The following GUCY2C variants were observed in gnomAD, a reference collection of about 807,000 sequenced individuals.
The protein encoded by GUCY2C is guanylyl cyclase C.
GUCY2C carries 118 observed loss-of-function variants against 131.1 expected under a neutral mutation model. The ratio of observed to expected loss-of-function variants is 0.90; its 90% CI spans 0.78 to 1.05. GUCY2C has a LOEUF of 1.05. Among genes scored for constraint, GUCY2C ranks in the 50% least tolerant of loss-of-function variants. GUCY2C has a pLI of 0.00. For missense variants in GUCY2C, 1,161 were observed against 1,304.4 expected, an observed-to-expected ratio of 0.89 and a Z score of 1.69; for synonymous variants, 452 against 457.8, an observed-to-expected ratio of 0.99 and a Z score of 0.16.
intron 1 of GUCY2C, among the ~76,000 whole-genome samples, chr12:14,691,652 T>C (rs1948576071): frequency 6.6e-6 from 1 of 152,106 alleles, no homozygotes; most frequent in African/African-American, 2.4e-5. Flanking sequence ...CCTACCACCA[T>C]GAGGGACAGT....
At position 14,676,158 on chromosome 12, in the gene GUCY2C, G is replaced by A. The variant is rs568934855; in HGVS notation, c.948+696C>T. Among the ~76,000 whole-genome samples the A allele has an allele frequency of 4.6e-5, 7 of 152,212 alleles. No individual in the cohort carries two copies. In the South Asian group the frequency reaches 1.5e-3, roughly 32 times the overall value. Reference sequence around the variant, plus strand: ...CCTGCTCTCAATGGTTTGTCTCTGTGGGAAGAATGCATCTAATAGATTTAA... The same window carrying A: ...CCTGCTCTCAATGGTTTGTCTCTGTAGGAAGAATGCATCTAATAGATTTAA... On this transcript the variant is annotated intron_variant, in intron 7 of 26. Transcript: ENST00000261170.
intron 15 of GUCY2C, among the ~76,000 whole-genome samples, chr12:14,646,124 C>T (rs900628912): frequency 6.6e-6 from 1 of 152,184 alleles, no homozygotes; most frequent in Non-Finnish European, 1.5e-5. Flanking sequence ...GCACAAGCCA[C>T]CGCGCCCCGC....
intron 1 of GUCY2C, among the ~76,000 whole-genome samples, chr12:14,693,999 G>A (rs183353323): frequency 1.6e-4 from 25 of 152,286 alleles, no homozygotes; most frequent in African/African-American, 5.8e-4. Flanking sequence ...AACAACAACA[G>A]CAACAACTAC....
intron 17 of GUCY2C, 36 bp downstream of exon 17, chr12:14,643,538 G>A (rs1391335785): frequency 1.2e-6 from 2 of 1,605,508 alleles, no homozygotes; most frequent in Non-Finnish European, 1.7e-6. Flanking sequence ...AAAAAAATCA[G>A]TTAGGAAACT....
chr12:14,634,824 G>A (rs1947227712), intron 19 of GUCY2C, among the ~76,000 whole-genome samples: 1 of 152,086 alleles, frequency 6.6e-6, no homozygotes, highest in African/African-American at 2.4e-5. Flanking sequence ...CTTATATTAG[G>A]TAAAACAGAC....
Position 14,616,660 on chromosome 12 carries a change from A to G in GUCY2C, c.2943T>C (p.Tyr981=), listed in dbSNP as rs1439101345. 1.3e-6 allele frequency: 2 copies of G among 1,599,736 alleles called. No individual in the cohort carries two copies. The highest frequency in any genetic ancestry group is 2.2e-5 in the South Asian group (2 of 90,772). The change falls in exon 25 of 27, where the codon TAT becomes TAC. Residue 981 remains tyrosine (Y), a synonymous_variant. Transcript: ENST00000261170. ...ILKRTECQFL[Y]EVRGETYLKG... ...TTAAGTATGTTTCTCCTCTCACTTC[A>G]TAAAGGAACTGGCACTCAGTTCTCT...
At chr12:14,651,269 G>T in intron 15 of GUCY2C, 138 bp downstream of exon 15, 2 of 507,418 alleles carry the variant, frequency 3.9e-6, no homozygotes, top group African/African-American at 1.9e-5. Context: ...AAAATCTCGG[G>T]GATCTAGTTT....
rs1441874548 is a variant in GUCY2C at position 14,669,586 on chromosome 12, T to C, written c.1282+136A>G. ...GGAAGTAAGGACCACATTTACAAAC[T>C]GGACAGCAGGAAATCAAACTGGGAC... is the stretch of plus-strand genomic sequence containing the variant. On this transcript the variant is annotated intron_variant, in intron 10 of 26. Coordinates refer to ENST00000261170, the MANE Select transcript of GUCY2C (RefSeq NM_004963.4). 4 of 585,434 alleles carry C rather than the reference T, an allele frequency of 6.8e-6. No individual in the cohort carries two copies. The South Asian group carries it at 8.6e-5, about 13-fold the overall frequency. 36.3% of individuals were successfully genotyped at this position (585,434 alleles called of 1,614,324 possible).
At chr12:14,687,846 T>A in intron 2 of GUCY2C, 105 bp downstream of exon 2, 1 of 698,074 alleles carries the variant, frequency 1.4e-6, no homozygotes, top group Non-Finnish European at 2.6e-6. Flanking sequence ...GCTATGTGGC[T>A]AGAGATGATG....
chr12:14,621,625 G>C (rs777951717), intron 22 of GUCY2C, among the ~76,000 whole-genome samples: 6 of 152,088 alleles, frequency 3.9e-5, no homozygotes, highest in Admixed American at 6.6e-5. Flanking sequence ...ATATGTAATT[G>C]TATACATTCT....
chr12:14,661,037 G>A lies in GUCY2C; in HGVS notation c.1308C>T (p.Val436=), dbSNP rs1947856850. ...GRGPQILMIA[V]FTLTGAVVLL... ...GCACCACAGCTCCAGTGAGGGTGAAGACTGCAATCATCAGGATCTGAGGGC... is the reference window on the plus strand; with the variant it reads ...GCACCACAGCTCCAGTGAGGGTGAAAACTGCAATCATCAGGATCTGAGGGC... Residue 436 remains valine, a synonymous_variant, in exon 11 of 27, where the codon GTC becomes GTT. Transcript: ENST00000261170. 1 of 1,613,044 alleles carries A rather than the reference G, an allele frequency of 6.2e-7. No homozygotes were observed.
At position 14,616,587 on chromosome 12, in the gene GUCY2C, C is replaced by T. The variant is rs113186997; in HGVS notation, c.2970+46G>A. On this transcript the variant is annotated intron_variant, in intron 25 of 26. Coordinates refer to ENST00000261170, the MANE Select transcript of GUCY2C (RefSeq NM_004963.4). ...CAAGTCTCAAAGGAGGTGGCCCAAG[C>T]GTGTCTGAGAGCTTTTCCTATGCAT... The T allele has an allele frequency of 4.3e-5, 45 of 1,055,322 alleles. No homozygotes were observed. The South Asian group carries it at 4.4e-4, about 10-fold the overall frequency. 65.4% of individuals were successfully genotyped at this position (1,055,322 alleles called of 1,614,324 possible).
chr12:14,689,019 G>A (rs935959560), intron 1 of GUCY2C, among the ~76,000 whole-genome samples: 2 of 152,180 alleles, frequency 1.3e-5, no homozygotes, highest in African/African-American at 4.8e-5. Context: ...AGGACTTTGA[G>A]CAGAGAAATG....
intron 3 of GUCY2C, among the ~76,000 whole-genome samples, chr12:14,683,609 A>G (rs1331981725): frequency 6.6e-6 from 1 of 152,058 alleles, no homozygotes; most frequent in Non-Finnish European, 1.5e-5. Flanking sequence ...TTGTAAAGCC[A>G]AAAAGATGCC....
At chr12:14,688,260 T>TTC (rs137861179) in intron 1 of GUCY2C, among the ~76,000 whole-genome samples, 197 bp from the exon 2 acceptor site, 17 of 151,656 alleles carry the variant, frequency 1.1e-4, no homozygotes, top group African/African-American at 3.6e-4. Flanking sequence ...TCATCTCTGT[T>TTC]TCTCTCTCTC....
In GUCY2C at chr12:14,650,535, C is replaced by A. The variant is rs190316264; in HGVS notation, c.1710+872G>T. On this transcript the variant is annotated intron_variant, in intron 15 of 26. Coordinates refer to ENST00000261170, the MANE Select transcript of GUCY2C (RefSeq NM_004963.4). ...TGCTGGCATTACAGGCGTGAGCCAC[C>A]GTGCCCAGCCTTGTTTATTATTTTT... 8.2e-3 allele frequency among the ~76,000 whole-genome samples: 1,255 copies of A among 152,318 alleles called. 8 individuals carry two copies. Among genetic ancestry groups the A allele is most frequent in the Middle Eastern group, 0.014 (4 of 294 alleles).
intron 12 of GUCY2C, among the ~76,000 whole-genome samples, chr12:14,655,960 T>C: frequency 6.6e-6 from 1 of 152,194 alleles, no homozygotes; most frequent in Non-Finnish European, 1.5e-5. Context: ...TCCTTCAGTT[T>C]CCTCATCAGC....
At chr12:14,632,799 G>T (rs1306487871) in intron 19 of GUCY2C, among the ~76,000 whole-genome samples, 1 of 151,962 alleles carries the variant, frequency 6.6e-6, no homozygotes, top group Non-Finnish European at 1.5e-5. Flanking sequence ...CCGTGTAGGG[G>T]CCCTAGAGAT....
chr12:14,648,054 G>A (rs1231396439), intron 15 of GUCY2C, among the ~76,000 whole-genome samples: 1 of 151,820 alleles, frequency 6.6e-6, no homozygotes, highest in Non-Finnish European at 1.5e-5. Context: ...TCCACCTCCC[G>A]GGTTCAAGCA....
Sources: gnomAD v4.1 joint callset for allele counts (sites outside exome capture counted in the v4.1 genomes callset) on GRCh38, gnomAD v4.1.1 for gene constraint, MANE v1.5 for transcripts, NCBI Gene and HGNC (gene_info 2026-07-23, HGNC 2026-07-21) for gene names.